CCP110: variants seen among roughly 807,000 people sequenced by gnomAD.
CCP110 encodes the protein centriolar coiled-coil protein of 110 kDa.
CCP110 carries 43 observed loss-of-function variants against 105.5 expected under a neutral mutation model. That is an observed-to-expected ratio of 0.41 (90% confidence interval 0.32 to 0.53). CCP110 has a LOEUF of 0.53. CCP110 is among the 20% of genes least tolerant of loss of function. The pLI is 0.32. For synonymous variants in CCP110, 353 were observed against 392.1 expected, an observed-to-expected ratio of 0.90 and a Z score of 1.18; for missense variants, 1,016 against 1,189.1, an observed-to-expected ratio of 0.85 and a Z score of 2.14.
exon 3 of CCP110, chr16:19,532,516 G>C: frequency 1.2e-6 from 2 of 1,608,916 alleles, no homozygotes; most frequent in Non-Finnish European, 1.7e-6. Context: ...TTACTGACTC[G>C]TGTCCAGGAG....
exon 15 of CCP110, chr16:19,551,813 G>A (rs1970650819): frequency 6.6e-6 from 1 of 152,328 alleles, no homozygotes; most frequent in African/African-American, 2.4e-5. Flanking sequence ...AGTTAATGTG[G>A]GTCACCATTT....
intron 1 of CCP110, 143 bp from the exon 2 acceptor site, chr16:19,527,724 C>G: frequency 2.0e-6 from 1 of 490,132 alleles, no homozygotes; most frequent in Non-Finnish European, 3.5e-6. Context: ...CAAGAATTAG[C>G]TCCTGATCAG....
chr16:19,540,239 A>G (rs1970229383), intron 4 of CCP110, among the ~76,000 whole-genome samples: 1 of 152,244 alleles, frequency 6.6e-6, no homozygotes, highest in South Asian at 2.1e-4. Context: ...TATACCATCA[A>G]GGAAACACTT....
intron 3 of CCP110, among the ~76,000 whole-genome samples, chr16:19,534,033 T>G (rs1484978797): frequency 6.6e-6 from 1 of 152,156 alleles, no homozygotes; most frequent in Non-Finnish European, 1.5e-5. Context: ...AGAGGTAGTA[T>G]TAAGAGAATT....
At chr16:19,537,520 A>C (rs768942283) in exon 4 of CCP110, 2 of 1,605,554 alleles carry the variant, frequency 1.2e-6, no homozygotes, top group South Asian at 2.2e-5. Flanking sequence ...AACATTTGCC[A>C]GAAAAAAGAT....
intron 6 of CCP110, 81 bp from the exon 7 acceptor site, chr16:19,542,540 G>T (rs1970322944): frequency 1.9e-6 from 2 of 1,043,766 alleles, no homozygotes; most frequent in Admixed American, 4.2e-5. Flanking sequence ...TTCTTAATGA[G>T]TGTCACAAGT....
chr16:19,550,954 C>T (rs1430951651), intron 14 of CCP110, among the ~76,000 whole-genome samples: 4 of 152,168 alleles, frequency 2.6e-5, no homozygotes, highest in Non-Finnish European at 5.9e-5. Flanking sequence ...ATCAGGTGGA[C>T]TTGGGTTATC....
chr16:19,538,302 C>CTTTTTTTTT (rs1164690143), intron 4 of CCP110, among the ~76,000 whole-genome samples: 819 of 55,240 alleles, frequency 0.015, 197 homozygotes, highest in East Asian at 0.059. Flanking sequence ...GGAAACAGTT[C>CTTTTTTTTT]TTTTTTTTTT....
chr16:19,536,304 A>T, exon 4 of CCP110: 1 of 1,613,390 alleles, frequency 6.2e-7, no homozygotes, highest in Non-Finnish European at 8.5e-7. Context: ...GAACAACAGG[A>T]TCTACCACTT....
At chr16:19,542,557 T>C (rs1476446436) in intron 6 of CCP110, 64 bp from the exon 7 acceptor site, 1 of 1,239,858 alleles carries the variant, frequency 8.1e-7, no homozygotes, top group Non-Finnish European at 1.2e-6. Context: ...AAGTGTTTAT[T>C]GGGATGTTCT....
intron 4 of CCP110, 31 bp downstream of exon 4, chr16:19,537,618 C>A: frequency 1.7e-6 from 2 of 1,204,712 alleles, no homozygotes; most frequent in Non-Finnish European, 2.4e-6. Context: ...TTGATACCTT[C>A]TATGCAGATA....
intron 12 of CCP110, chr16:19,547,536 C>T (rs539956447): frequency 6.2e-6 from 1 of 161,000 alleles, no homozygotes; most frequent in Non-Finnish European, 1.3e-5. Flanking sequence ...CATAGTAAGA[C>T]CCATCTCAAA....
At chr16:19,534,849 CA>C (rs1969992252) in intron 3 of CCP110, among the ~76,000 whole-genome samples, 1 of 144,240 alleles carries the variant, frequency 6.9e-6, no homozygotes, top group South Asian at 2.2e-4. Context: ...TCAAAACAAC[CA>C]AAAAATATTG....
intron 14 of CCP110, among the ~76,000 whole-genome samples, chr16:19,550,689 GA>G (rs1168672656): frequency 1.1e-4 from 16 of 152,290 alleles, no homozygotes; most frequent in African/African-American, 3.4e-4. Flanking sequence ...TCTTATGATA[GA>G]ATATCATACT....
intron 8 of CCP110, among the ~76,000 whole-genome samples, chr16:19,544,307 A>G (rs1170060699): frequency 6.6e-6 from 1 of 152,178 alleles, no homozygotes; most frequent in Non-Finnish European, 1.5e-5. Flanking sequence ...TGTGTTTTTG[A>G]CTTGCTTGAA....
intron 4 of CCP110, among the ~76,000 whole-genome samples, chr16:19,540,290 AC>A (rs1425714014): frequency 6.6e-6 from 1 of 152,244 alleles, no homozygotes; most frequent in Non-Finnish European, 1.5e-5. Flanking sequence ...AAGCTACACT[AC>A]CAGAGATCCT....
chr16:19,546,227 T>G (rs1254746179), intron 11 of CCP110, 185 bp from the exon 12 acceptor site: 1 of 522,632 alleles, frequency 1.9e-6, no homozygotes, highest in African/African-American at 2.0e-5. Context: ...GGGAAAAATA[T>G]CTTAATAACT....
At chr16:19,534,068 C>T (rs890037597) in intron 3 of CCP110, among the ~76,000 whole-genome samples, 1 of 152,116 alleles carries the variant, frequency 6.6e-6, no homozygotes. Flanking sequence ...TAGTGACTCT[C>T]ATGTGACATA....
chr16:19,541,937 G>T (rs201715206), exon 6 of CCP110: 128 of 1,605,234 alleles, frequency 8.0e-5, no homozygotes, highest in Non-Finnish European at 9.7e-5. Context: ...CAATGACAGC[G>T]GAAGCCTCTG....
Sources: allele counts gnomAD v4.1 joint callset (sites outside exome capture counted in the v4.1 genomes callset), GRCh38; gene constraint gnomAD v4.1.1; transcripts MANE v1.5; gene names NCBI Gene and HGNC (gene_info 2026-07-23, HGNC 2026-07-21).